The following VIPAS39 variants were observed in gnomAD, a reference collection of about 807,000 sequenced individuals.
VIPAS39 encodes VPS33B interacting protein, apical-basolateral polarity regulator, spe-39 homolog, also known as spermatogenesis-defective protein 39 homolog.
VIPAS39 carries 63 observed loss-of-function variants against 84.7 expected under a neutral mutation model. The ratio of observed to expected loss-of-function variants is 0.74; its 90% CI spans 0.61 to 0.92. The LOEUF (loss-of-function observed/expected upper bound fraction) is 0.92. Ranked by LOEUF, VIPAS39 falls within the 40% of genes least tolerant of loss-of-function variation. The pLI is 0.00. For synonymous variants in VIPAS39, 192 were observed against 216.5 expected (o/e 0.89, Z 0.99); for missense variants, 499 against 604.5 (o/e 0.83, Z 1.83).
chr14:77,449,375 G>T lies in VIPAS39; in HGVS notation c.383-18C>A. The T allele has an allele frequency of 6.2e-7, 1 of 1,614,092 alleles. No individual in the cohort carries two copies. The highest frequency in any genetic ancestry group is 8.5e-7 in the Non-Finnish European group (1 of 1,179,976). On this transcript the variant is annotated intron_variant, in intron 5 of 19. Coordinates refer to ENST00000557658, the MANE Select transcript of VIPAS39 (RefSeq NM_001193315.2). ...TGACAGAGCTGAAAAAGAATAAGCA[G>T]CTGGTTCAGAAGGGCACCATGAATC...
At chr14:77,434,358 C>A in intron 14 of VIPAS39, 55 bp from the exon 15 acceptor site, 2 of 1,529,792 alleles carry the variant, frequency 1.3e-6, no homozygotes, top group Non-Finnish European at 1.8e-6. Flanking sequence ...CAAGTACCAC[C>A]CAAGCTCTCA....
At chr14:77,441,122 T>C in intron 10 of VIPAS39, 29 bp from the exon 11 acceptor site, 1 of 1,612,114 alleles carries the variant, frequency 6.2e-7, no homozygotes, top group Non-Finnish European at 8.5e-7. Flanking sequence ...GAGCAGGGCA[T>C]TTGTATCTAT....
chr14:77,434,153 C>T, intron 15 of VIPAS39, 109 bp downstream of exon 15: 1 of 1,304,418 alleles, frequency 7.7e-7, no homozygotes, highest in Non-Finnish European at 1.1e-6. Context: ...TCCTTTCCAC[C>T]TTTAACCTTG....
chr14:77,446,199 G>C (rs190824154), intron 7 of VIPAS39, among the ~76,000 whole-genome samples: 1 of 152,162 alleles, frequency 6.6e-6, no homozygotes, highest in East Asian at 1.9e-4. Flanking sequence ...TTTTCTTCTA[G>C]AAGTTTTATA....
intron 12 of VIPAS39, among the ~76,000 whole-genome samples, chr14:77,436,962 T>C (rs1334192613): frequency 6.6e-6 from 1 of 152,244 alleles, no homozygotes; most frequent in Non-Finnish European, 1.5e-5. Flanking sequence ...AGTGAATTTT[T>C]AGAAGAGATA....
rs973906678 is a variant in VIPAS39, at chr14:77,431,393, A to T, written c.1180-1626T>A. ...TTGAATGGACATTTCTCCAAAGAAG[A>T]CATGGAAATGGCCAAGAAGTACATG... On this transcript the variant is annotated intron_variant, in intron 16 of 19. Coordinates refer to ENST00000557658, the MANE Select transcript of VIPAS39 (RefSeq NM_001193315.2). 7.1e-4 allele frequency among the ~76,000 whole-genome samples: 108 copies of T among 152,260 alleles called. 1 individual carries two copies. Among genetic ancestry groups the T allele is most frequent in the Non-Finnish European group, 1.9e-4 (13 of 68,048 alleles).
intron 1 of VIPAS39, 24 bp from the exon 2 acceptor site, chr14:77,454,126 T>C: frequency 6.2e-7 from 1 of 1,609,798 alleles, no homozygotes; most frequent in East Asian, 2.2e-5. Context: ...AAAACATACA[T>C]TGCCCCTTTC....
At chr14:77,434,206 A>G in intron 15 of VIPAS39, 56 bp downstream of exon 15, 1 of 1,534,234 alleles carries the variant, frequency 6.5e-7, no homozygotes, top group South Asian at 1.1e-5. Flanking sequence ...AGCAACATCC[A>G]CTCCATGTAG....
intron 7 of VIPAS39, among the ~76,000 whole-genome samples, chr14:77,448,248 CT>C (rs1360819824): frequency 2.6e-5 from 4 of 152,360 alleles, no homozygotes; most frequent in Non-Finnish European, 5.9e-5. Context: ...GCCACCACCC[CT>C]GGCCCTGGCC....
rs576938660 is a variant in VIPAS39 at position 77,432,571 on chromosome 14, A to G, written c.1179+1271T>C. 2.2e-4 allele frequency among the ~76,000 whole-genome samples: 34 copies of G among 152,330 alleles called. No homozygotes were observed. In the Middle Eastern group the frequency reaches 0.01, roughly 46 times the overall value. The stretch of plus-strand genomic sequence containing the variant: ...AAAGAAATTGTGGTACATATATACA[A>G]TGGAATATATTCAGAACTTAAAAAA... On this transcript the variant is annotated intron_variant, in intron 16 of 19. Transcript: ENST00000557658.
rs1307602564 is a variant in VIPAS39, at chr14:77,435,328, G to A, written c.978C>T (p.Ala326=). The change falls in exon 14 of 20, where the codon GCC becomes GCT. Residue 326 remains alanine, a synonymous_variant. Transcript: ENST00000557658. ...TCACTAGTGGCATGTTGAGGATGGA[G>A]GCTTTGCGGGGGTGCTTTCGGAAGA... The part of the protein sequence containing the change: ...TEIFRKHPRK[A]SILNMPLVTT... 1 of 1,612,592 alleles carries A rather than the reference G, an allele frequency of 6.2e-7. No homozygotes were observed. Among genetic ancestry groups the A allele is most frequent in the Non-Finnish European group, 8.5e-7 (1 of 1,179,662 alleles).
intron 11 of VIPAS39, among the ~76,000 whole-genome samples, chr14:77,439,631 AT>A (rs2078668749): frequency 6.6e-6 from 1 of 152,122 alleles, no homozygotes; most frequent in Admixed American, 6.6e-5. Flanking sequence ...CTACAAAAAG[AT>A]TTTTAAAAAT....
At chr14:77,434,736 CAA>C (rs796461189) in intron 14 of VIPAS39, among the ~76,000 whole-genome samples, 1 of 139,118 alleles carries the variant, frequency 7.2e-6, no homozygotes. Context: ...ACTAAAAATA[CAA>C]AAAAAAAAAA....
chr14:77,428,668 G>A (rs1342107134), intron 18 of VIPAS39, among the ~76,000 whole-genome samples, 194 bp from the exon 19 acceptor site: 2 of 152,094 alleles, frequency 1.3e-5, no homozygotes, highest in South Asian at 2.1e-4. Flanking sequence ...TTGACCCAAC[G>A]CTCAAGGAGA....
intron 13 of VIPAS39, 81 bp downstream of exon 13, chr14:77,435,763 C>A: frequency 1.4e-6 from 2 of 1,456,986 alleles, no homozygotes; most frequent in Non-Finnish European, 1.9e-6. Context: ...GACCCACGTG[C>A]AGAGCATAGA....
chr14:77,429,185 A>G lies in VIPAS39; in HGVS notation c.1267-90T>C, dbSNP rs888006349. 5 of 1,137,032 alleles carry G rather than the reference A, an allele frequency of 4.4e-6. No homozygotes were observed. The African/African-American group carries it at 6.1e-5, about 14-fold the overall frequency. 70.4% of individuals were successfully genotyped at this position (1,137,032 alleles called of 1,614,324 possible). On this transcript the variant is annotated intron_variant, in intron 17 of 19. Transcript: ENST00000557658. ...AGAAAAGAAAGTCCTGAAGAAGGCA[A>G]AAGAGTTCAATAGCTAATGTTTCCA...
At chr14:77,434,204 C>T in intron 15 of VIPAS39, 58 bp downstream of exon 15, 1 of 1,519,976 alleles carries the variant, frequency 6.6e-7, no homozygotes, top group Non-Finnish European at 9.1e-7. Context: ...AAAGCAACAT[C>T]CACTCCATGT....
At chr14:77,453,154 G>A (rs573426378) in intron 3 of VIPAS39, 145 bp downstream of exon 3, 21 of 886,032 alleles carry the variant, frequency 2.4e-5, no homozygotes, top group Admixed American at 1.9e-4. Flanking sequence ...TTCTCCTGGA[G>A]TTAAGTTTCC....
intron 1 of VIPAS39, 54 bp from the exon 2 acceptor site, chr14:77,454,156 T>C: frequency 6.5e-7 from 1 of 1,541,116 alleles, no homozygotes; most frequent in Non-Finnish European, 9.0e-7. Context: ...CCCTAAAGAG[T>C]TCCAAAAGCT....
Sources: gnomAD v4.1 joint callset for allele counts (sites outside exome capture counted in the v4.1 genomes callset) on GRCh38, gnomAD v4.1.1 for gene constraint, MANE v1.5 for transcripts, NCBI Gene and HGNC (gene_info 2026-07-23, HGNC 2026-07-21) for gene names.